Variants in LAMA3 observed in about 807,000 individuals in gnomAD.
LAMA3 encodes the protein laminin subunit alpha-3.
LAMA3 carries 281 observed loss-of-function variants against 402.0 expected under a neutral mutation model. The ratio of observed to expected loss-of-function variants is 0.70; its 90% CI spans 0.63 to 0.77. LAMA3 has a LOEUF of 0.77. Ranked by LOEUF, LAMA3 falls within the 30% of genes least tolerant of loss-of-function variation. The pLI is 0.00. For missense variants in LAMA3, 3,840 were observed against 4,215.5 expected (o/e 0.91, Z 2.47); for synonymous variants, 1,431 against 1,558.4 (o/e 0.92, Z 1.93).
In LAMA3 at chr18:23,939,286, C is replaced by G. The variant is rs749619626; in HGVS notation, c.8926C>G (p.Pro2976Ala). Residue 2976 changes from proline to alanine, a missense_variant, in exon 68 of 75, where the codon CCA (proline) becomes GCA (alanine). Physicochemically the swap from Pro to Ala is conservative, Grantham distance 27. Transcript: ENST00000313654. ...SVKVWQDACS[P>A]LPKTQANHGA... is the part of the protein sequence containing the mutation. ...GAAGGTGTGGCAAGATGCTTGCTCACCACTTCCCAAGACCCAGGCCAATCA... is the reference window on the plus strand; with the variant it reads ...GAAGGTGTGGCAAGATGCTTGCTCAGCACTTCCCAAGACCCAGGCCAATCA... The G allele has an allele frequency of 2.0e-5, 32 of 1,614,092 alleles. No individual in the cohort carries two copies. The East Asian group carries it at 6.9e-4, about 35-fold the overall frequency.
intron 69 of LAMA3, among the ~76,000 whole-genome samples, chr18:23,945,296 C>T (rs1389626467): frequency 3.3e-5 from 5 of 152,088 alleles, no homozygotes; most frequent in African/African-American, 9.7e-5. Flanking sequence ...GAGAAGTGAC[C>T]GCCAGGACGC....
intron 40 of LAMA3, 23 bp from the exon 41 acceptor site, chr18:23,884,750 G>A (rs767702853): frequency 1.9e-6 from 3 of 1,596,658 alleles, no homozygotes; most frequent in Non-Finnish European, 2.6e-6. Context: ...TTTTGATGGG[G>A]CCTTTTTCTG....
In LAMA3 at chr18:23,918,720, T is replaced by C. The variant is rs1383413864; in HGVS notation, c.7923+2025T>C. On this transcript the variant is annotated intron_variant, in intron 60 of 74. Coordinates refer to ENST00000313654, the MANE Select transcript of LAMA3 (RefSeq NM_198129.4). The surrounding 1 kb of genome is among the most constrained non-coding windows in gnomAD (Gnocchi z 4.1). ...CTCCGGTGAATAGGAGCTTCTGTAG[T>C]TGCTCTCACGGAGTATTTCTGAAGA... 6.6e-6 allele frequency among the ~76,000 whole-genome samples: 1 copy of C among 152,216 alleles called. No individual in the cohort carries two copies. Among genetic ancestry groups the C allele is most frequent in the African/African-American group, 2.4e-5 (1 of 41,462 alleles).
rs1015255972 is a variant in LAMA3 at position 23,918,798 on chromosome 18, AG to A, written c.7923+2105del. Among the ~76,000 whole-genome samples, 65 of 152,252 alleles carry A rather than the reference AG, an allele frequency of 4.3e-4. No homozygotes were observed. Among genetic ancestry groups the A allele is most frequent in the African/African-American group, 1.5e-3 (62 of 41,550 alleles). Reference sequence around the variant, plus strand: ...GTGGTCCGAGAACATGGGATTGATAAGGAGCTTGGGATTTTACCAGAGTCTT... The same window carrying A: ...GTGGTCCGAGAACATGGGATTGATAAGAGCTTGGGATTTTACCAGAGTCTT... On this transcript the variant is annotated intron_variant, in intron 60 of 74. Coordinates refer to ENST00000313654, the MANE Select transcript of LAMA3 (RefSeq NM_198129.4). The surrounding 1 kb of genome is among the most constrained non-coding windows in gnomAD (Gnocchi z 4.1).
Position 23,846,423 on chromosome 18 carries a change from T to C in LAMA3, c.3846T>C (p.Gly1282=). 1.2e-6 allele frequency: 2 copies of C among 1,613,938 alleles called. No homozygotes were observed. Among genetic ancestry groups the C allele is most frequent in the Admixed American group, 1.7e-5 (1 of 60,028 alleles). Residue 1282 remains glycine, a synonymous_variant, in exon 31 of 75, where the codon GGT becomes GGC. Coordinates refer to ENST00000313654, the MANE Select transcript of LAMA3 (RefSeq NM_198129.4). ...GATGPHCSPE[G]GQCPCQPNVI... is the part of the protein sequence containing the mutation. ...CCGGCCCTCACTGCAGCCCTGAGGG[T>C]GGGCAGTGCCCATGCCAGCCCAACG...
rs370955832 is a variant in LAMA3, at chr18:23,775,933, C to A, written c.1405+10C>A. On this transcript the variant is annotated intron_variant, in intron 10 of 74. Transcript: ENST00000313654. ...TTCCCATTTTGCTTGAGTAAGTACC[C>A]ACTGCAGAACAAGAGGCCACCCTTT... 138 of 1,613,950 alleles carry A rather than the reference C, an allele frequency of 8.6e-5. No homozygotes were observed. The highest frequency in any genetic ancestry group is 7.8e-4 in the Admixed American group (47 of 59,996).
intron 1 of LAMA3, among the ~76,000 whole-genome samples, chr18:23,713,484 C>T (rs750724907): frequency 2.6e-5 from 4 of 152,236 alleles, no homozygotes; most frequent in Non-Finnish European, 4.4e-5. Context: ...ATCCTTGATG[C>T]ACCACTGGGA....
chr18:23,839,039 C>A lies in LAMA3; in HGVS notation c.3191+161C>A, dbSNP rs1007725159. Among the ~76,000 whole-genome samples, 1 of 152,164 alleles carries A rather than the reference C, an allele frequency of 6.6e-6. No individual in the cohort carries two copies. The highest frequency in any genetic ancestry group is 3.2e-3 in the Middle Eastern group (1 of 316). ...AAAGAAAAACCAGCTAAATAATTTA[C>A]CCCAGCAGTTTTTCCAGAATTCCGT... On this transcript the variant is annotated intron_variant, in intron 26 of 74. Coordinates refer to ENST00000313654, the MANE Select transcript of LAMA3 (RefSeq NM_198129.4). The surrounding 1 kb of genome is among the most constrained non-coding windows in gnomAD (Gnocchi z 4.5).
intron 2 of LAMA3, among the ~76,000 whole-genome samples, chr18:23,739,850 G>A (rs2061533994): frequency 6.6e-6 from 1 of 152,172 alleles, no homozygotes. Context: ...GAGTTGTTTG[G>A]TCTAAAAAAT....
intron 42 of LAMA3, among the ~76,000 whole-genome samples, chr18:23,891,360 A>T (rs908098124): frequency 1.3e-5 from 2 of 152,230 alleles, no homozygotes; most frequent in Non-Finnish European, 2.9e-5. Context: ...AAATTAATGA[A>T]AACTCATGGA....
In LAMA3 at chr18:23,907,599, A is replaced by G. The variant is rs773700300; in HGVS notation, c.6768A>G (p.Thr2256=). 2 of 1,614,174 alleles carry G rather than the reference A, an allele frequency of 1.2e-6. No individual in the cohort carries two copies. Among genetic ancestry groups the G allele is most frequent in the East Asian group, 4.5e-5 (2 of 44,890 alleles). The change falls in exon 53 of 75, where the codon ACA becomes ACG. Residue 2256 remains threonine, a synonymous_variant. Coordinates refer to ENST00000313654, the MANE Select transcript of LAMA3 (RefSeq NM_198129.4). ...NNLQQTLNIV[T]VQKEVIDTNL... ...TACAGCAAACCCTGAATATTGTGAC[A>G]GTTCAGAAAGAAGTGATAGACACCA...
chr18:23,940,931 TTTC>T (rs2082482589), intron 68 of LAMA3, among the ~76,000 whole-genome samples: 1 of 82,480 alleles, frequency 1.2e-5, no homozygotes. Flanking sequence ...GACCTCCCTC[TTTC>T]TTTTCTTTTT....
At chr18:23,758,161 G>A (rs567181675) in intron 6 of LAMA3, among the ~76,000 whole-genome samples, 1 of 152,324 alleles carries the variant, frequency 6.6e-6, no homozygotes, top group South Asian at 2.1e-4. Flanking sequence ...CTGACCCTTG[G>A]CAGGTATCTT....
intron 1 of LAMA3, among the ~76,000 whole-genome samples, chr18:23,704,219 G>C (rs970548179): frequency 6.6e-6 from 1 of 152,226 alleles, no homozygotes; most frequent in Non-Finnish European, 1.5e-5. Context: ...TCTCTCCCCA[G>C]CTGGGTCTCT....
At chr18:23,837,224 T>C in intron 25 of LAMA3, 135 bp downstream of exon 25, 2 of 701,022 alleles carry the variant, frequency 2.9e-6, no homozygotes, top group Non-Finnish European at 5.2e-6. Context: ...ATGTTTATTC[T>C]TCCCATCTAG....
chr18:23,896,045 A>T lies in LAMA3; in HGVS notation c.5613+987A>T, dbSNP rs191866754. 5.1e-4 allele frequency among the ~76,000 whole-genome samples: 77 copies of T among 152,268 alleles called. 1 individual carries two copies. Among genetic ancestry groups the T allele is most frequent in the Non-Finnish European group, 8.1e-4 (55 of 68,028 alleles). On this transcript the variant is annotated intron_variant, in intron 44 of 74. Transcript: ENST00000313654. ...TATCTGTAACCCATGTGTTATTTAG[A>T]AATGTGTTGACCAGGCATGGTGGCT...
chr18:23,781,324 A>C (rs1392108038), intron 11 of LAMA3: 1 of 455,756 alleles, frequency 2.2e-6, no homozygotes, highest in Non-Finnish European at 4.4e-6. Context: ...CCTGGGTTCC[A>C]AGGCTTCCCT....
In LAMA3 at chr18:23,899,512, C is replaced by T. The variant is rs1300798531; in HGVS notation, c.6004+57C>T. The T allele has an allele frequency of 8.4e-6, 13 of 1,543,334 alleles. No individual in the cohort carries two copies. The Middle Eastern group carries it at 5.1e-4, about 60-fold the overall frequency. ...CCATTCTAATTGATTTGAAACACAA[C>T]GTGCAGAGTGCAATGTAGAGTTCCC... is the stretch of plus-strand genomic sequence containing the variant. On this transcript the variant is annotated intron_variant, in intron 47 of 74. Transcript: ENST00000313654.
At position 23,777,561 on chromosome 18, in the gene LAMA3, T is replaced by G; in HGVS notation, c.1410T>G (p.Ile470Met). Reference sequence around the variant, plus strand: ...TTTAATAAACTATTTTTACAGGAATTCCCATTTTTCCTGTTTCTACACCAA... The same window carrying G: ...TTTAATAAACTATTTTTACAGGAATGCCCATTTTTCCTGTTTCTACACCAA... ...GYYNFPFCLR[I>M]PIFPVSTPSS... The change falls in exon 11 of 75, where the codon ATT becomes ATG. Residue 470 changes from isoleucine (I) to methionine (M), a missense_variant. This residue lies in a region of LAMA3 where 2,109 missense variants were observed against 2,376.0 expected (regional missense o/e 0.89). Coordinates refer to ENST00000313654, the MANE Select transcript of LAMA3 (RefSeq NM_198129.4). 1.3e-6 allele frequency: 2 copies of G among 1,599,218 alleles called. No individual in the cohort carries two copies. The highest frequency in any genetic ancestry group is 1.7e-6 in the Non-Finnish European group (2 of 1,166,392).
Sources: gnomAD v4.1 joint callset for allele counts (sites outside exome capture counted in the v4.1 genomes callset) on GRCh38, gnomAD v4.1.1 for gene constraint, gnomAD v4.1.1 regional missense constraint, Gnocchi (gnomAD v3.1) non-coding constraint, MANE v1.5 for transcripts, NCBI Gene and HGNC (gene_info 2026-07-23, HGNC 2026-07-21) for gene names.